Variants in ACP3 observed in about 807,000 individuals in gnomAD.
ACP3 encodes prostatic acid phosphatase.
Under a neutral mutation model 45.6 loss-of-function variants are expected in ACP3, and 38 were observed. That is an observed-to-expected ratio of 0.83 (90% CI 0.64 to 1.09). ACP3 has a LOEUF of 1.09. Ranked by LOEUF, ACP3 falls within the 50% of genes least tolerant of loss-of-function variation. ACP3 has a pLI of 0.00. For synonymous variants in ACP3, 162 were observed against 164.7 expected (o/e 0.98, Z 0.13); for missense variants, 466 against 463.2 (o/e 1.01, Z -0.05).
intron 4 of ACP3, among the ~76,000 whole-genome samples, chr3:132,337,061 GGGGTGT>G (rs1212855805): frequency 5.8e-5 from 8 of 137,538 alleles, no homozygotes; most frequent in African/African-American, 2.3e-4. Flanking sequence ...TACATGCGTT[GGGGTGT>G]GTGTGTGTGT....
At chr3:132,317,661 C>T in intron 1 of ACP3, 85 bp downstream of exon 1, 1 of 1,430,310 alleles carries the variant, frequency 7.0e-7, no homozygotes, top group Non-Finnish European at 9.3e-7. Context: ...TTCATCTTAT[C>T]CTTGGATTGT....
chr3:132,359,573 G>T (rs17183142), downstream of ACP3, among the ~76,000 whole-genome samples: 19,024 of 152,070 alleles, frequency 0.13, 1,426 homozygotes, highest in Non-Finnish European at 0.18. Context: ...TGTCTATCTT[G>T]ATGAGCAGCA....
chr3:132,317,654 A>G, intron 1 of ACP3, 78 bp downstream of exon 1: 2 of 1,470,772 alleles, frequency 1.4e-6, no homozygotes, highest in Non-Finnish European at 9.1e-7. Context: ...GTCAGGTTTC[A>G]TCTTATCCTT....
chr3:132,327,508 A>G (rs945818329), intron 1 of ACP3, among the ~76,000 whole-genome samples: 2 of 146,028 alleles, frequency 1.4e-5, no homozygotes, highest in East Asian at 2.0e-4. Flanking sequence ...AGCAAGACTC[A>G]GTCTCGAAAA....
chr3:132,338,779 A>G (rs1937521226), intron 5 of ACP3, among the ~76,000 whole-genome samples: 1 of 150,404 alleles, frequency 6.6e-6, no homozygotes, highest in Non-Finnish European at 1.5e-5. Flanking sequence ...ACTGTACAAC[A>G]TCGTGCTATA....
intron 7 of ACP3, among the ~76,000 whole-genome samples, chr3:132,346,960 T>C (rs1427727921): frequency 6.6e-6 from 1 of 152,350 alleles, no homozygotes; most frequent in South Asian, 2.1e-4. Flanking sequence ...AGTCTAATAG[T>C]AGATGTAGGG....
intron 2 of ACP3, among the ~76,000 whole-genome samples, chr3:132,330,064 G>A (rs572876394): frequency 6.6e-6 from 1 of 151,856 alleles, no homozygotes; most frequent in African/African-American, 2.4e-5. Flanking sequence ...AACTACAGGA[G>A]AGCACCACCA....
chr3:132,353,916 T>C (rs2107816286), intron 9 of ACP3, among the ~76,000 whole-genome samples: 1 of 152,356 alleles, frequency 6.6e-6, no homozygotes, highest in South Asian at 2.1e-4. Context: ...AAGTGAGTTC[T>C]GCACAGTTAG....
At chr3:132,343,198 A>G (rs1206842690) in intron 6 of ACP3, among the ~76,000 whole-genome samples, 1 of 152,138 alleles carries the variant, frequency 6.6e-6, no homozygotes, top group East Asian at 1.9e-4. Context: ...ACCATGCTCC[A>G]CCTTCTGGCC....
intron 10 of ACP3, among the ~76,000 whole-genome samples, chr3:132,367,520 A>G (rs1380800071): frequency 6.6e-6 from 1 of 152,220 alleles, no homozygotes; most frequent in Non-Finnish European, 1.5e-5. Flanking sequence ...TGGAACTGGA[A>G]CCTAGGTCAT....
intron 5 of ACP3, among the ~76,000 whole-genome samples, chr3:132,337,941 G>A (rs309998): frequency 0.67 from 101,534 of 151,894 alleles, 34,364 homozygotes; most frequent in East Asian, 0.94. Context: ...ATTTTGCAAA[G>A]TACCCATTTT....
chr3:132,355,169 G>A (rs1356241824), intron 9 of ACP3, among the ~76,000 whole-genome samples: 1 of 152,190 alleles, frequency 6.6e-6, no homozygotes, highest in Non-Finnish European at 1.5e-5. Context: ...AAGGGTGGAG[G>A]CAGCAACCCG....
chr3:132,325,207 G>A (rs61793790), intron 1 of ACP3, among the ~76,000 whole-genome samples: 1 of 152,150 alleles, frequency 6.6e-6, no homozygotes, highest in African/African-American at 2.4e-5. Context: ...ACATTTGCCT[G>A]CGGGAGGGGT....
At chr3:132,342,714 T>A (rs1306135330) in intron 6 of ACP3, 70 bp downstream of exon 6, 2 of 946,162 alleles carry the variant, frequency 2.1e-6, no homozygotes, top group Non-Finnish European at 1.6e-6. Context: ...TTGAAATAGA[T>A]GAATATCTTT....
chr3:132,342,751 C>T (rs576994797), intron 6 of ACP3, 107 bp downstream of exon 6: 18 of 612,392 alleles, frequency 2.9e-5, no homozygotes, highest in African/African-American at 2.1e-4. Flanking sequence ...GAATGTATTA[C>T]TTATACTTCT....
intron 4 of ACP3, among the ~76,000 whole-genome samples, chr3:132,334,552 G>A (rs1937458046): frequency 6.6e-6 from 1 of 152,208 alleles, no homozygotes; most frequent in Admixed American, 6.5e-5. Context: ...CTTACGTGCA[G>A]TTACCACAGG....
At chr3:132,328,416 C>A (rs893325856) in intron 2 of ACP3, 54 bp downstream of exon 2, 1 of 1,474,124 alleles carries the variant, frequency 6.8e-7, no homozygotes, top group East Asian at 2.3e-5. Context: ...TGGTGGCTCA[C>A]GCCTGTAATC....
chr3:132,329,597 G>A (rs1937363046), intron 2 of ACP3, among the ~76,000 whole-genome samples: 1 of 152,208 alleles, frequency 6.6e-6, no homozygotes, highest in African/African-American at 2.4e-5. Context: ...CTATGGCTCT[G>A]TATAGACTCC....
At chr3:132,333,706 C>A (rs1426762611) in intron 4 of ACP3, among the ~76,000 whole-genome samples, 1 of 152,048 alleles carries the variant, frequency 6.6e-6, no homozygotes, top group Non-Finnish European at 1.5e-5. Context: ...TTGTGATTAC[C>A]AGTGTTAAGC....
Sources: allele counts gnomAD v4.1 joint callset (sites outside exome capture counted in the v4.1 genomes callset), GRCh38; gene constraint gnomAD v4.1.1; transcripts MANE v1.5; gene names NCBI Gene and HGNC (gene_info 2026-07-23, HGNC 2026-07-21).